Variants in OR4D1 observed in about 807,000 individuals in gnomAD.
OR4D1 encodes the protein olfactory receptor family 4 subfamily D member 1.
Under a neutral mutation model 14.2 loss-of-function variants are expected in OR4D1, and 10 were observed. The ratio of observed to expected loss-of-function variants is 0.71; its 90% confidence interval spans 0.44 to 1.20. The LOEUF (loss-of-function observed/expected upper bound fraction) is 1.20. OR4D1 is among the 50% of genes most tolerant of loss of function. The pLI, the probability that OR4D1 is intolerant of heterozygous loss-of-function variation, is 0.00. For synonymous variants in OR4D1, 141 were observed against 147.4 expected (o/e 0.96, Z 0.32); for missense variants, 345 against 376.6 (o/e 0.92, Z 0.70).
chr17:58,155,039 A>G, intron 3 of OR4D1, 96 bp from the exon 4 acceptor site: 2 of 820,252 alleles, frequency 2.4e-6, no homozygotes, highest in South Asian at 1.7e-5. Flanking sequence ...GACACTCAAC[A>G]ACTCAACTTA....
At chr17:58,152,849 T>A (rs895288991) in intron 2 of OR4D1, among the ~76,000 whole-genome samples, 2 of 152,042 alleles carry the variant, frequency 1.3e-5, no homozygotes, top group East Asian at 3.9e-4. Flanking sequence ...GTGGGAGGAT[T>A]GCTTGAGACT....
chr17:58,157,855 C>T lies in OR4D1; in HGVS notation c.*1769C>T. 2.0e-6 allele frequency: 3 copies of T among 1,526,638 alleles called. No individual in the cohort carries two copies. Among genetic ancestry groups the T allele is most frequent in the East Asian group, 2.2e-5 (1 of 44,470 alleles). The allele number at this position is 1,526,638 out of a possible 1,614,324, so 94.6% of individuals were successfully genotyped here. On this transcript the variant is annotated 3_prime_UTR_variant, in exon 4 of 4. Coordinates refer to ENST00000268912, the MANE Select transcript of OR4D1 (RefSeq NM_001386095.1). Reference sequence around the variant, plus strand: ...GATGGATGTTTGTTTCAAAGGGTTTCCTCTCCCTCTCCAAGAAGGCAGGAC... The same window carrying T: ...GATGGATGTTTGTTTCAAAGGGTTTTCTCTCCCTCTCCAAGAAGGCAGGAC...
chr17:58,152,689 C>T (rs1427183053), intron 2 of OR4D1, among the ~76,000 whole-genome samples: 1 of 152,120 alleles, frequency 6.6e-6, no homozygotes, highest in Non-Finnish European at 1.5e-5. Flanking sequence ...GATCCCAGCA[C>T]TTTGGGAGGC....
At chr17:58,154,944 G>A (rs986261318) in intron 3 of OR4D1, among the ~76,000 whole-genome samples, 191 bp from the exon 4 acceptor site, 1 of 152,148 alleles carries the variant, frequency 6.6e-6, no homozygotes, top group African/African-American at 2.4e-5. Context: ...TGTAGGGCGT[G>A]GTCAGGGAAG....
chr17:58,157,622 C>T lies in OR4D1; in HGVS notation c.*1536C>T. 1 of 1,613,806 alleles carries T rather than the reference C, an allele frequency of 6.2e-7. No homozygotes were observed. The highest frequency in any genetic ancestry group is 8.5e-7 in the Non-Finnish European group (1 of 1,179,848). ...ACTGCAGGAGTCAGAACTGGAAAAG[C>T]TGAAAATGGCTGCAAAACCTATGCT... is the stretch of plus-strand genomic sequence containing the variant. On this transcript the variant is annotated 3_prime_UTR_variant, in exon 4 of 4. Coordinates refer to ENST00000268912, the MANE Select transcript of OR4D1 (RefSeq NM_001386095.1).
intron 3 of OR4D1, 83 bp from the exon 4 acceptor site, chr17:58,155,052 C>T: frequency 2.2e-6 from 2 of 929,378 alleles, no homozygotes; most frequent in Non-Finnish European, 3.3e-6. Flanking sequence ...TCAACTTAAT[C>T]AACTCAATCC....
Position 58,155,428 on chromosome 17 carries a change from T to C in OR4D1, c.275T>C (p.Ile92Thr). Reference sequence around the variant, plus strand: ...GACTTCCTCCATGAGACCAAGACGATCTCCTACCAGGGCTGCATGGCCCAG... The same window carrying C: ...GACTTCCTCCATGAGACCAAGACGACCTCCTACCAGGGCTGCATGGCCCAG... ...LVDFLHETKT[I>T]SYQGCMAQIF... Residue 92 changes from isoleucine (I) to threonine (T), a missense_variant, in exon 4 of 4, where the codon ATC becomes ACC. Ile to Thr is a moderately conservative substitution (Grantham distance 89). Coordinates refer to ENST00000268912, the MANE Select transcript of OR4D1 (RefSeq NM_001386095.1). 1.2e-6 allele frequency: 2 copies of C among 1,614,128 alleles called. No homozygotes were observed. Among genetic ancestry groups the C allele is most frequent in the Non-Finnish European group, 1.7e-6 (2 of 1,180,020 alleles).
chr17:58,155,046 C>A lies in OR4D1; in HGVS notation c.-19-89C>A, dbSNP rs915993234. On this transcript the variant is annotated intron_variant, in intron 3 of 3. Coordinates refer to ENST00000268912, the MANE Select transcript of OR4D1 (RefSeq NM_001386095.1). ...CTCGGATTGACACTCAACAACTCAA[C>A]TTAATCAACTCAATCCTGACTGTCC... 7 of 888,222 alleles carry A rather than the reference C, an allele frequency of 7.9e-6. No individual in the cohort carries two copies. The South Asian group carries it at 1.2e-4, about 15-fold the overall frequency. 55.0% of individuals were successfully genotyped at this position (888,222 alleles called of 1,614,324 possible).
Position 58,156,003 on chromosome 17 carries a change from C to T in OR4D1, c.850C>T (p.Pro284Ser). The change falls in exon 4 of 4, where the codon CCC (proline) becomes TCC (serine). Residue 284 changes from proline (P) to serine (S), a missense_variant. By Grantham distance (74) the Pro-to-Ser change is moderately conservative (BLOSUM62 -1). Coordinates refer to ENST00000268912, the MANE Select transcript of OR4D1 (RefSeq NM_001386095.1). ...SYTVMTPMLN[P>S]MIYTLRNQDM... ...CACAGTCATGACCCCCATGCTCAAC[C>T]CCATGATCTACACCCTGAGAAACCA... The T allele has an allele frequency of 6.7e-7, 1 of 1,490,008 alleles. No individual in the cohort carries two copies. Among genetic ancestry groups the T allele is most frequent in the South Asian group, 1.4e-5 (1 of 72,872 alleles). The allele number at this position is 1,490,008 out of a possible 1,614,324, so 92.3% of individuals were successfully genotyped here. A position where few individuals can be genotyped will look rare whatever the true frequency, so the allele number is the denominator to read the frequency against.
At chr17:58,152,074 T>C (rs918109862) in intron 2 of OR4D1, among the ~76,000 whole-genome samples, 2 of 152,252 alleles carry the variant, frequency 1.3e-5, no homozygotes, top group Non-Finnish European at 2.9e-5. Flanking sequence ...TTGTTCCTTA[T>C]TATATTTTAT....
rs1254717457 is a variant in OR4D1 at position 58,157,283 on chromosome 17, G to C, written c.*1197G>C. On this transcript the variant is annotated 3_prime_UTR_variant, in exon 4 of 4. Coordinates refer to ENST00000268912, the MANE Select transcript of OR4D1 (RefSeq NM_001386095.1). ...GGGAAGCGCACAGCCCCGGGCCGCT[G>C]ATCAAGCCCTTCGAGACCGCCTCGG... is the stretch of plus-strand genomic sequence containing the variant. 4.0e-6 allele frequency: 6 copies of C among 1,501,546 alleles called. No homozygotes were observed. In the Admixed American group the frequency reaches 1.4e-4, roughly 34 times the overall value. 93.0% of individuals were successfully genotyped at this position (1,501,546 alleles called of 1,614,324 possible).
In OR4D1 at chr17:58,159,524, C is replaced by A. The variant is rs1258626444; in HGVS notation, c.*3438C>A. On this transcript the variant is annotated 3_prime_UTR_variant, in exon 4 of 4. Transcript: ENST00000268912. ...CACCAGACAACCAAACCTGTTGGAA[C>A]CTTAATCTTGGACTGTCCAGCCTCC... 1 of 152,610 alleles carries A rather than the reference C, an allele frequency of 6.6e-6. No individual in the cohort carries two copies. The allele number at this position is 152,610 out of a possible 1,614,324, so 9.5% of individuals were successfully genotyped here.
rs1967761057 is a variant in OR4D1 at position 58,155,695 on chromosome 17, T to C, written c.542T>C (p.Val181Ala). ...ATCCTAGATAACTTCTACTGTGATGTTCCCCAAGTACTGAGACTTGCCTGC... is the reference window on the plus strand; with the variant it reads ...ATCCTAGATAACTTCTACTGTGATGCTCCCCAAGTACTGAGACTTGCCTGC... Reference protein sequence around the residue: ...PNILDNFYCDVPQVLRLACTD... With the variant: ...PNILDNFYCDAPQVLRLACTD... The change falls in exon 4 of 4, where the codon GTT becomes GCT. Residue 181 changes from valine (V) to alanine (A), a missense_variant. Val to Ala is a moderately conservative substitution (Grantham distance 64, BLOSUM62 0). Coordinates refer to ENST00000268912, the MANE Select transcript of OR4D1 (RefSeq NM_001386095.1). The C allele has an allele frequency of 6.2e-7, 1 of 1,614,060 alleles. No homozygotes were observed.
rs768554981 is a variant in OR4D1, at chr17:58,155,757, A to G, written c.604A>G (p.Asn202Asp). Reference protein sequence around the residue: ...TSLLEFLMISNSGLLVIIWFL... With the variant: ...TSLLEFLMISDSGLLVIIWFL... ...CCTCCTGGAGTTCCTCATGATCTCC[A>G]ACAGTGGGCTGCTAGTTATCATCTG... Residue 202 changes from asparagine (N) to aspartate (D), a missense_variant, in exon 4 of 4, where the codon AAC becomes GAC. Physicochemically the swap from Asn to Asp is conservative, Grantham distance 23. Coordinates refer to ENST00000268912, the MANE Select transcript of OR4D1 (RefSeq NM_001386095.1). 1.9e-6 allele frequency: 3 copies of G among 1,614,158 alleles called. No homozygotes were observed. Among genetic ancestry groups the G allele is most frequent in the South Asian group, 2.2e-5 (2 of 91,086 alleles).
At position 58,156,283 on chromosome 17, in the gene OR4D1, C is replaced by A. The variant is rs1373516493; in HGVS notation, c.*197C>A. 2 of 530,804 alleles carry A rather than the reference C, an allele frequency of 3.8e-6. No individual in the cohort carries two copies. Among genetic ancestry groups the A allele is most frequent in the African/African-American group, 3.9e-5 (2 of 51,320 alleles). 32.9% of individuals were successfully genotyped at this position (530,804 alleles called of 1,614,324 possible). On this transcript the variant is annotated 3_prime_UTR_variant, in exon 4 of 4. Coordinates refer to ENST00000268912, the MANE Select transcript of OR4D1 (RefSeq NM_001386095.1). ...TTTTTTTTTTTTAGATGGAGCCTTG[C>A]TCTGTCACCCAGGCTGGAGTGCAGT... is the stretch of plus-strand genomic sequence containing the variant.
chr17:58,155,011 TA>T, intron 3 of OR4D1, 123 bp from the exon 4 acceptor site: 1 of 686,682 alleles, frequency 1.5e-6, no homozygotes, highest in Non-Finnish European at 2.5e-6. Flanking sequence ...AGGGCTTTCC[TA>T]AGCTACATCT....
intron 3 of OR4D1, among the ~76,000 whole-genome samples, chr17:58,154,274 T>TTTA (rs1010535252): frequency 1.3e-5 from 2 of 151,510 alleles, no homozygotes; most frequent in African/African-American, 4.8e-5. Context: ...CTCTTTTTTT[T>TTTA]TTTTTTTTTT....
At chr17:58,154,246 C>CT (rs1201301753) in intron 3 of OR4D1, among the ~76,000 whole-genome samples, 1 of 151,254 alleles carries the variant, frequency 6.6e-6, no homozygotes, top group African/African-American at 2.4e-5. Flanking sequence ...AGGCATGAGC[C>CT]ACTGCATCCA....
rs1368040558 is a variant in OR4D1, at chr17:58,149,624, C to G, written c.-299C>G. 6.6e-6 allele frequency: 1 copy of G among 152,188 alleles called. No homozygotes were observed. Among genetic ancestry groups the G allele is most frequent in the Non-Finnish European group, 1.5e-5 (1 of 68,050 alleles). The allele number at this position is 152,188 out of a possible 1,614,324, so 9.4% of individuals were successfully genotyped here. A position where few individuals can be genotyped will look rare whatever the true frequency, so the allele number is the denominator to read the frequency against. ...ATGAAAAAATACCAAGGCATAGCAACATTATGGAAGAGCTAATTACTCTTG... is the reference window on the plus strand; with the variant it reads ...ATGAAAAAATACCAAGGCATAGCAAGATTATGGAAGAGCTAATTACTCTTG... On this transcript the variant is annotated 5_prime_UTR_variant, in exon 2 of 4. Coordinates refer to ENST00000268912, the MANE Select transcript of OR4D1 (RefSeq NM_001386095.1).
Sources: allele counts gnomAD v4.1 joint callset (sites outside exome capture counted in the v4.1 genomes callset), GRCh38; gene constraint gnomAD v4.1.1; transcripts MANE v1.5; gene names NCBI Gene and HGNC (gene_info 2026-07-23, HGNC 2026-07-21).